TTLL5: variants seen among roughly 807,000 people sequenced by gnomAD.
TTLL5 encodes tubulin polyglutamylase TTLL5.
A neutral mutation model predicts 168.4 loss-of-function variants in TTLL5; 132 were observed. That is an observed-to-expected ratio of 0.78 (90% CI 0.68 to 0.91). TTLL5 has a LOEUF of 0.91. Ranked by LOEUF, TTLL5 falls within the 40% of genes least tolerant of loss-of-function variation. The pLI, the probability that TTLL5 is intolerant of heterozygous loss-of-function variation, is 0.00. For missense variants in TTLL5, 1,545 were observed against 1,581.5 expected (o/e 0.98, Z 0.39); for synonymous variants, 546 against 558.6 (o/e 0.98, Z 0.32).
At position 75,690,069 on chromosome 14, in the gene TTLL5, A is replaced by C. The variant is rs980902746; in HGVS notation, c.372-123A>C. 2.9e-6 allele frequency: 3 copies of C among 1,027,598 alleles called. No homozygotes were observed. The African/African-American group carries it at 4.9e-5, about 17-fold the overall frequency. 63.7% of individuals were successfully genotyped at this position (1,027,598 alleles called of 1,614,324 possible). A position where few individuals can be genotyped will look rare whatever the true frequency, so the allele number is the denominator to read the frequency against. ...CTTTTGGATTAACAGCGATATGTTT[A>C]GGATACAATACTATCTTCACTAACC... On this transcript the variant is annotated intron_variant, in intron 5 of 31. Transcript: ENST00000298832.
chr14:75,755,048 T>G (rs2140278064), intron 18 of TTLL5, among the ~76,000 whole-genome samples: 1 of 152,208 alleles, frequency 6.6e-6, no homozygotes, highest in Admixed American at 6.5e-5. Context: ...GCAGATCACC[T>G]GAGGTCGGGA....
At chr14:75,705,751 T>G (rs533560876) in intron 7 of TTLL5, among the ~76,000 whole-genome samples, 2 of 152,244 alleles carry the variant, frequency 1.3e-5, no homozygotes, top group Admixed American at 6.5e-5. Flanking sequence ...GCCTTTACTG[T>G]AGCTATTATC....
At chr14:75,674,159 T>A (rs1240197217) in intron 3 of TTLL5, among the ~76,000 whole-genome samples, 1 of 152,240 alleles carries the variant, frequency 6.6e-6, no homozygotes, top group Non-Finnish European at 1.5e-5. Context: ...CACATTCCTG[T>A]GATTAAAGAA....
intron 28 of TTLL5, among the ~76,000 whole-genome samples, chr14:75,823,872 CCTT>C (rs1894971263): frequency 6.6e-6 from 1 of 152,146 alleles, no homozygotes. Flanking sequence ...GTCACCCTGT[CCTT>C]CTGCCCTCTT....
intron 1 of TTLL5, among the ~76,000 whole-genome samples, chr14:75,662,843 G>T (rs1283789816): frequency 6.6e-6 from 1 of 152,112 alleles, no homozygotes; most frequent in African/African-American, 2.4e-5. Flanking sequence ...ATAGAGCACA[G>T]ACTGTATGTT....
intron 18 of TTLL5, among the ~76,000 whole-genome samples, chr14:75,760,105 G>A (rs1297221466): frequency 1.3e-5 from 2 of 151,982 alleles, no homozygotes; most frequent in African/African-American, 2.4e-5. Context: ...AAATCCTAAG[G>A]CATCTGTAAC....
chr14:75,939,727 T>C lies in TTLL5; in HGVS notation c.3824-14697T>C, dbSNP rs559529726. ...CTCACCTTCTTTAGGTAACTGAAAG[T>C]GCTATTCTCCTAATCTTCAGATAGA... On this transcript the variant is annotated intron_variant, in intron 31 of 31. Transcript: ENST00000298832. Among the ~76,000 whole-genome samples the C allele has an allele frequency of 2.0e-5, 3 of 152,276 alleles. 1 individual carries two copies. The East Asian group carries it at 5.8e-4, about 29-fold the overall frequency.
intron 30 of TTLL5, among the ~76,000 whole-genome samples, chr14:75,885,267 G>A (rs2032050448): frequency 6.6e-6 from 1 of 152,134 alleles, no homozygotes; most frequent in Non-Finnish European, 1.5e-5. Context: ...GAGGCGGGCA[G>A]ATCAAGAGGT....
intron 31 of TTLL5, among the ~76,000 whole-genome samples, chr14:75,914,627 T>TG (rs1044797489): frequency 2.7e-5 from 4 of 146,218 alleles, no homozygotes; most frequent in African/African-American, 1.0e-4. Flanking sequence ...TTGTTTTTTT[T>TG]TTTTTTTTTT....
chr14:75,675,397 A>T (rs1027517164), intron 3 of TTLL5, among the ~76,000 whole-genome samples: 1 of 152,020 alleles, frequency 6.6e-6, no homozygotes, highest in African/African-American at 2.4e-5. Flanking sequence ...CTCTGTGTTG[A>T]CAGTTAGATT....
chr14:75,855,366 TG>T (rs1897080875), intron 28 of TTLL5, among the ~76,000 whole-genome samples: 1 of 152,220 alleles, frequency 6.6e-6, no homozygotes, highest in Non-Finnish European at 1.5e-5. Flanking sequence ...GAACAAAAGC[TG>T]ATTGATACTG....
At chr14:75,753,665 A>G (rs1890087357) in intron 18 of TTLL5, among the ~76,000 whole-genome samples, 1 of 152,212 alleles carries the variant, frequency 6.6e-6, no homozygotes, top group Non-Finnish European at 1.5e-5. Flanking sequence ...CAGGAAATAC[A>G]TGGGATTTGC....
intron 28 of TTLL5, chr14:75,847,665 A>G (rs537661530): frequency 6.6e-6 from 1 of 152,052 alleles, no homozygotes; most frequent in Non-Finnish European, 1.5e-5. Context: ...AAATGAAATC[A>G]CTTGCCCAAG....
chr14:75,879,372 C>T (rs1468214879), intron 29 of TTLL5, among the ~76,000 whole-genome samples: 1 of 152,212 alleles, frequency 6.6e-6, no homozygotes, highest in Non-Finnish European at 1.5e-5. Flanking sequence ...GCATAAGCAA[C>T]TGCCATTCAC....
At chr14:75,892,390 G>A (rs2032442948) in intron 30 of TTLL5, among the ~76,000 whole-genome samples, 1 of 152,230 alleles carries the variant, frequency 6.6e-6, no homozygotes, top group African/African-American at 2.4e-5. Flanking sequence ...AGCAGGCAGT[G>A]GCAAGCTCCT....
At position 75,882,671 on chromosome 14, in the gene TTLL5, T is replaced by A. The variant is rs78057446; in HGVS notation, c.3523-14T>A. The A allele has an allele frequency of 8.8e-7, 1 of 1,136,676 alleles. No individual in the cohort carries two copies. 70.4% of individuals were successfully genotyped at this position (1,136,676 alleles called of 1,614,324 possible). A position where few individuals can be genotyped will look rare whatever the true frequency, so the allele number is the denominator to read the frequency against. On this transcript the variant is annotated splice_polypyrimidine_tract_variant and intron_variant, in intron 29 of 31. Coordinates refer to ENST00000298832, the MANE Select transcript of TTLL5 (RefSeq NM_015072.5). ...TGATGTCCATCGATCATTTTTTTCCTTTTTTTTTTGTAGGCAATCTTTGGC... is the reference window on the plus strand; with the variant it reads ...TGATGTCCATCGATCATTTTTTTCCATTTTTTTTTGTAGGCAATCTTTGGC...
chr14:75,904,644 A>G (rs2033070527), intron 31 of TTLL5, among the ~76,000 whole-genome samples: 1 of 152,184 alleles, frequency 6.6e-6, no homozygotes, highest in African/African-American at 2.4e-5. Flanking sequence ...CAGAGCAAGA[A>G]GAAGAAGTTG....
rs532943555 is a variant in TTLL5 at position 75,744,046 on chromosome 14, A to G, written c.1282-1049A>G. Among the ~76,000 whole-genome samples, 49 of 152,318 alleles carry G rather than the reference A, an allele frequency of 3.2e-4. 1 individual carries two copies. Among genetic ancestry groups the G allele is most frequent in the African/African-American group, 1.1e-3 (45 of 41,576 alleles). ...TGAGAGAAACCAACATTCAGTCCAT[A>G]ACAACGGGTGTTGCTAAAAAGGCCA... On this transcript the variant is annotated intron_variant, in intron 15 of 31. Coordinates refer to ENST00000298832, the MANE Select transcript of TTLL5 (RefSeq NM_015072.5).
At chr14:75,948,378 G>A (rs921266639) in intron 31 of TTLL5, among the ~76,000 whole-genome samples, 4 of 151,930 alleles carry the variant, frequency 2.6e-5, no homozygotes, top group Non-Finnish European at 2.9e-5. Context: ...CTAGCTACTC[G>A]GGAGGCTGAG....
Sources: gnomAD v4.1 joint callset for allele counts (sites outside exome capture counted in the v4.1 genomes callset) on GRCh38, gnomAD v4.1.1 for gene constraint, MANE v1.5 for transcripts, NCBI Gene and HGNC (gene_info 2026-07-23, HGNC 2026-07-21) for gene names.